Variants in MTF2 observed in about 807,000 individuals in gnomAD.
MTF2 encodes metal response element binding transcription factor 2, also known as metal-response element-binding transcription factor 2.
MTF2 carries 11 observed loss-of-function variants against 79.5 expected under a neutral mutation model. That is an observed-to-expected ratio of 0.14 (90% CI 0.09 to 0.23). The LOEUF is 0.23. Among genes scored for constraint, MTF2 ranks in the 10% least tolerant of loss-of-function variants. The pLI is 1.00. For missense variants in MTF2, 486 were observed against 711.2 expected, an observed-to-expected ratio of 0.68 and a Z score of 3.60; for synonymous variants, 208 against 232.8, an observed-to-expected ratio of 0.89 and a Z score of 0.97.
chr1:93,133,771 C>T lies in MTF2; in HGVS notation c.1229C>T (p.Thr410Ile), dbSNP rs753751265. 3 of 1,611,492 alleles carry T rather than the reference C, an allele frequency of 1.9e-6. No individual in the cohort carries two copies. The highest frequency in any genetic ancestry group is 2.7e-5 in the African/African-American group (2 of 74,762). ...KSVGRPPGPYTRKMIQKTAEP... is the reference protein window; with the variant it reads ...KSVGRPPGPYIRKMIQKTAEP... ...GTAGGTCGTCCACCTGGCCCATATA[C>T]AAGAAAAATGATTCAAAAAACTGCT... The change falls in exon 12 of 15, where the codon ACA becomes ATA. Residue 410 changes from threonine (T) to isoleucine (I), a missense_variant. This residue lies in a region of MTF2 where 209 missense variants were observed against 206.5 expected (regional missense o/e 1.01). Coordinates refer to ENST00000370298, the MANE Select transcript of MTF2 (RefSeq NM_007358.4).
intron 8 of MTF2, 181 bp downstream of exon 8, chr1:93,119,582 T>A: frequency 1.8e-6 from 1 of 541,680 alleles, no homozygotes; most frequent in Non-Finnish European, 3.3e-6. Context: ...CTTGTATTGC[T>A]AAATTAATAA....
At chr1:93,092,225 G>T (rs1229886082) in intron 1 of MTF2, among the ~76,000 whole-genome samples, 1 of 152,078 alleles carries the variant, frequency 6.6e-6, no homozygotes, top group Admixed American at 6.6e-5. Flanking sequence ...TATTGAAACA[G>T]TTTTTTCACA....
At chr1:93,092,728 A>T (rs886593500) in intron 1 of MTF2, among the ~76,000 whole-genome samples, 1 of 152,182 alleles carries the variant, frequency 6.6e-6, no homozygotes, top group Non-Finnish European at 1.5e-5. Flanking sequence ...AACATGTTAG[A>T]TGAGAAAGAA....
intron 7 of MTF2, 136 bp from the exon 8 acceptor site, chr1:93,119,197 A>G (rs1030186097): frequency 4.1e-5 from 26 of 636,304 alleles, no homozygotes; most frequent in Non-Finnish European, 6.0e-5. Flanking sequence ...AAGCATTATA[A>G]TTTAAATTAT....
intron 6 of MTF2, among the ~76,000 whole-genome samples, chr1:93,116,837 T>A (rs188596785): frequency 1.5e-4 from 23 of 152,194 alleles, no homozygotes; most frequent in African/African-American, 4.6e-4. Flanking sequence ...AATTTCAATA[T>A]TGTGTCTCAG....
intron 1 of MTF2, among the ~76,000 whole-genome samples, chr1:93,083,586 A>C (rs1443890239): frequency 6.6e-6 from 1 of 152,084 alleles, no homozygotes; most frequent in South Asian, 2.1e-4. Flanking sequence ...CATATCTAGG[A>C]GTGAAATTAC....
chr1:93,129,933 G>C (rs1656851866), intron 11 of MTF2, among the ~76,000 whole-genome samples: 1 of 152,128 alleles, frequency 6.6e-6, no homozygotes, highest in African/African-American at 2.4e-5. Context: ...TACTGTTTTA[G>C]ACTTTACTGT....
chr1:93,085,676 C>T (rs572025947), intron 1 of MTF2, among the ~76,000 whole-genome samples: 3 of 152,010 alleles, frequency 2.0e-5, no homozygotes, highest in South Asian at 2.1e-4. Flanking sequence ...TCTGTAGAAA[C>T]GGGGTCTTGG....
At chr1:93,115,678 C>G in intron 6 of MTF2, 60 bp downstream of exon 6, 1 of 1,387,862 alleles carries the variant, frequency 7.2e-7, no homozygotes, top group Non-Finnish European at 9.6e-7. Context: ...ATCTATTTTT[C>G]TTGATTATGG....
chr1:93,128,521 A>C (rs1000710202), intron 10 of MTF2, among the ~76,000 whole-genome samples: 15 of 147,952 alleles, frequency 1.0e-4, no homozygotes, highest in Non-Finnish European at 2.1e-4. Context: ...GAGCCACTGC[A>C]CTCTAGCCTG....
chr1:93,084,688 A>G (rs1654763591), intron 1 of MTF2, among the ~76,000 whole-genome samples: 3 of 152,080 alleles, frequency 2.0e-5, no homozygotes, highest in African/African-American at 7.2e-5. Flanking sequence ...TTCATTGTAC[A>G]ATTCTCGAAC....
intron 1 of MTF2, among the ~76,000 whole-genome samples, chr1:93,082,648 T>G (rs922209853): frequency 6.6e-6 from 1 of 152,190 alleles, no homozygotes; most frequent in African/African-American, 2.4e-5. Flanking sequence ...AATGCACAAA[T>G]CTTAACTGTA....
intron 1 of MTF2, among the ~76,000 whole-genome samples, chr1:93,101,568 GTTTTTTT>G (rs71586778): frequency 1.7e-3 from 42 of 25,402 alleles, no homozygotes; most frequent in African/African-American, 4.6e-3. Flanking sequence ...GCTCAGGCTG[GTTTTTTT>G]TTTTTTTTTT....
At chr1:93,102,985 A>G (rs1008464456) in intron 1 of MTF2, among the ~76,000 whole-genome samples, 2 of 151,878 alleles carry the variant, frequency 1.3e-5, no homozygotes, top group Non-Finnish European at 2.9e-5. Flanking sequence ...GAAAAAAATT[A>G]GCCGGGCATG....
At chr1:93,133,070 A>T (rs185732309) in intron 11 of MTF2, among the ~76,000 whole-genome samples, 1 of 149,960 alleles carries the variant, frequency 6.7e-6, no homozygotes, top group African/African-American at 2.5e-5. Flanking sequence ...TGTTTAAAAA[A>T]TGGTTTTCTA....
At chr1:93,089,444 C>T (rs2785603) in intron 1 of MTF2, among the ~76,000 whole-genome samples, 120,431 of 151,720 alleles carry the variant, frequency 0.79, 50,891 homozygotes, top group East Asian at 0.93. Context: ...TTTTAGAGTT[C>T]CAGTGATGAG....
chr1:93,082,123 G>A (rs1224503227), intron 1 of MTF2, among the ~76,000 whole-genome samples: 5 of 152,096 alleles, frequency 3.3e-5, no homozygotes, highest in African/African-American at 1.2e-4. Flanking sequence ...CTGCTTCTGT[G>A]TCAAAAAACA....
At chr1:93,087,484 A>G (rs1369373398) in intron 1 of MTF2, among the ~76,000 whole-genome samples, 1 of 151,518 alleles carries the variant, frequency 6.6e-6, no homozygotes, top group Non-Finnish European at 1.5e-5. Flanking sequence ...AGGCAGGAGA[A>G]TTGCTTGAAC....
intron 7 of MTF2, among the ~76,000 whole-genome samples, chr1:93,119,033 C>G (rs547036439): frequency 6.6e-6 from 1 of 152,186 alleles, no homozygotes; most frequent in Non-Finnish European, 1.5e-5. Flanking sequence ...CATCACAATT[C>G]CTGGCACACA....
Sources: allele counts gnomAD v4.1 joint callset (sites outside exome capture counted in the v4.1 genomes callset), GRCh38; gene constraint gnomAD v4.1.1; regional missense constraint gnomAD v4.1.1; transcripts MANE v1.5; gene names NCBI Gene and HGNC (gene_info 2026-07-23, HGNC 2026-07-21).